The following PALM2AKAP2 variants were observed in gnomAD, a reference collection of about 807,000 sequenced individuals.
The protein encoded by PALM2AKAP2 is PALM2-AKAP2 fusion protein.
A neutral mutation model predicts 71.5 loss-of-function variants in PALM2AKAP2; 37 were observed. The ratio of observed to expected loss-of-function variants is 0.52; its 90% CI spans 0.40 to 0.68. The LOEUF (loss-of-function observed/expected upper bound fraction) is 0.68, where lower values mean the gene tolerates loss of function less well. PALM2AKAP2 is among the 30% of genes least tolerant of loss of function. The probability of loss-of-function intolerance (pLI) is 0.00; values close to 1 mark genes in which losing one functional copy is unlikely to be tolerated. For synonymous variants in PALM2AKAP2, 468 were observed against 478.8 expected (o/e 0.98, Z 0.29); for missense variants, 1,224 against 1,191.8 (o/e 1.03, Z -0.40).
chr9:109,836,870 G>A (rs1828494569), intron 1 of PALM2AKAP2, among the ~76,000 whole-genome samples: 1 of 152,248 alleles, frequency 6.6e-6, no homozygotes. Flanking sequence ...CAAGGAATGT[G>A]CGACTATGTG....
At chr9:109,989,135 G>T (rs1345329071) in intron 6 of PALM2AKAP2, among the ~76,000 whole-genome samples, 1 of 152,114 alleles carries the variant, frequency 6.6e-6, no homozygotes. Flanking sequence ...TGTGTTGAGA[G>T]GTCAAAAATT....
At chr9:110,099,981 A>G (rs374095636) in intron 1 of PALM2AKAP2, among the ~76,000 whole-genome samples, 5 of 147,512 alleles carry the variant, frequency 3.4e-5, no homozygotes, top group African/African-American at 1.0e-4. Context: ...AAATTATTCA[A>G]TTCACACATA....
At chr9:109,864,624 A>G (rs1395749778) in intron 1 of PALM2AKAP2, among the ~76,000 whole-genome samples, 4 of 152,192 alleles carry the variant, frequency 2.6e-5, no homozygotes, top group Non-Finnish European at 5.9e-5. Context: ...TTGCAAATAA[A>G]GTTTTATTAG....
intron 6 of PALM2AKAP2, among the ~76,000 whole-genome samples, chr9:109,968,959 G>A (rs945944792): frequency 2.0e-5 from 3 of 152,128 alleles, no homozygotes; most frequent in African/African-American, 7.2e-5. Context: ...CACAGACAGA[G>A]AGACTGTGGT....
At chr9:110,065,650 C>T (rs926247777) in intron 1 of PALM2AKAP2, among the ~76,000 whole-genome samples, 3 of 152,202 alleles carry the variant, frequency 2.0e-5, no homozygotes, top group African/African-American at 7.2e-5. Context: ...CATCCATTCA[C>T]AGAACTCTTT....
At chr9:109,879,082 C>T (rs769267303) in intron 2 of PALM2AKAP2, among the ~76,000 whole-genome samples, 18 of 152,246 alleles carry the variant, frequency 1.2e-4, no homozygotes, top group Non-Finnish European at 2.2e-4. Context: ...AATAAAATGC[C>T]CTTAATGCCG....
At chr9:109,968,069 A>AAATG (rs1158839412) in intron 6 of PALM2AKAP2, among the ~76,000 whole-genome samples, 10 of 152,226 alleles carry the variant, frequency 6.6e-5, no homozygotes, top group Non-Finnish European at 8.8e-5. Flanking sequence ...GGGAATGAAT[A>AAATG]AATGAATGAA....
At chr9:109,895,661 T>C (rs946939036) in intron 3 of PALM2AKAP2, among the ~76,000 whole-genome samples, 1 of 152,160 alleles carries the variant, frequency 6.6e-6, no homozygotes, top group African/African-American at 2.4e-5. Flanking sequence ...TGTAAATGAG[T>C]GGCTTTTCTT....
chr9:109,926,072 A>C (rs1390032342), intron 5 of PALM2AKAP2, among the ~76,000 whole-genome samples: 1 of 152,158 alleles, frequency 6.6e-6, no homozygotes, highest in East Asian at 1.9e-4. Flanking sequence ...CTTGTATTAA[A>C]AACAAACAAA....
chr9:109,675,094 C>A (rs1347124853), intron 1 of PALM2AKAP2, among the ~76,000 whole-genome samples: 1 of 152,024 alleles, frequency 6.6e-6, no homozygotes, highest in Non-Finnish European at 1.5e-5. Context: ...AGTAAGCTAG[C>A]CTAAGCTATG....
intron 1 of PALM2AKAP2, among the ~76,000 whole-genome samples, chr9:109,818,014 A>G (rs984044144): frequency 6.6e-6 from 1 of 152,226 alleles, no homozygotes; most frequent in African/African-American, 2.4e-5. Flanking sequence ...ACTGAGTTAC[A>G]TTAAGCGCAG....
intron 2 of PALM2AKAP2, among the ~76,000 whole-genome samples, chr9:109,874,168 A>G (rs1829667691): frequency 6.6e-6 from 1 of 152,178 alleles, no homozygotes. Flanking sequence ...GCCTCCGTGG[A>G]TGAATAAAAG....
intron 5 of PALM2AKAP2, among the ~76,000 whole-genome samples, 187 bp downstream of exon 5, chr9:109,925,269 G>A (rs1830930205): frequency 6.6e-6 from 1 of 152,134 alleles, no homozygotes; most frequent in South Asian, 2.1e-4. Context: ...TCTTCTTCAG[G>A]AACTATCTCT....
At chr9:110,167,411 G>T (rs957479600) in intron 3 of PALM2AKAP2, among the ~76,000 whole-genome samples, 4 of 152,194 alleles carry the variant, frequency 2.6e-5, no homozygotes, top group South Asian at 2.1e-4. Flanking sequence ...CTTGTTTTCT[G>T]CATGGTCATG....
At chr9:109,881,374 C>T (rs1030551888) in intron 3 of PALM2AKAP2, among the ~76,000 whole-genome samples, 34 of 152,260 alleles carry the variant, frequency 2.2e-4, no homozygotes, top group Non-Finnish European at 2.8e-4. Context: ...TTTCCTCCTT[C>T]GGGTCAGGTT....
At chr9:109,651,278 T>C (rs190147657) in intron 1 of PALM2AKAP2, among the ~76,000 whole-genome samples, 94 of 152,274 alleles carry the variant, frequency 6.2e-4, no homozygotes, top group African/African-American at 2.2e-3. Context: ...CAGGGCATCT[T>C]TCCTCTTCTG....
chr9:109,822,314 T>G (rs575693006), intron 1 of PALM2AKAP2, among the ~76,000 whole-genome samples: 99 of 152,290 alleles, frequency 6.5e-4, no homozygotes, highest in Middle Eastern at 3.4e-3. Context: ...CATCTATCCA[T>G]CCATCTCTCT....
chr9:109,991,874 G>A (rs79121704), intron 6 of PALM2AKAP2, among the ~76,000 whole-genome samples: 52 of 152,250 alleles, frequency 3.4e-4, no homozygotes, highest in African/African-American at 1.1e-3. Context: ...AAGAATAGAC[G>A]TGTGTTTGAC....
intron 1 of PALM2AKAP2, among the ~76,000 whole-genome samples, chr9:110,130,560 T>C (rs1404095199): frequency 1.3e-5 from 2 of 152,230 alleles, no homozygotes; most frequent in East Asian, 3.8e-4. Context: ...CTGGCACTCA[T>C]ACAGACTTGA....
Sources: gnomAD v4.1 joint callset for allele counts (sites outside exome capture counted in the v4.1 genomes callset) on GRCh38, gnomAD v4.1.1 for gene constraint, MANE v1.5 for transcripts, NCBI Gene and HGNC (gene_info 2026-07-23, HGNC 2026-07-21) for gene names.